The following OPCML variants were observed in gnomAD, a reference collection of about 807,000 sequenced individuals.
The protein encoded by OPCML is opioid-binding protein/cell adhesion molecule.
A neutral mutation model predicts 37.8 loss-of-function variants in OPCML; 13 were observed. The ratio of observed to expected loss-of-function variants is 0.34; its 90% CI spans 0.22 to 0.55. OPCML has a LOEUF of 0.55. OPCML is among the 20% of genes least tolerant of loss of function. The pLI, the probability that OPCML is intolerant of heterozygous loss-of-function variation, is 0.91. For synonymous variants in OPCML, 176 were observed against 168.8 expected (o/e 1.04, Z -0.33); for missense variants, 341 against 435.6 (o/e 0.78, Z 1.93).
intron 3 of OPCML, among the ~76,000 whole-genome samples, chr11:132,619,865 A>T (rs2137908446): frequency 6.6e-6 from 1 of 151,312 alleles, no homozygotes; most frequent in Non-Finnish European, 1.5e-5. Context: ...AAAAAAAAAA[A>T]AAAATTGGCC....
At chr11:133,135,607 C>A (rs552339601) in intron 1 of OPCML, among the ~76,000 whole-genome samples, 1 of 152,070 alleles carries the variant, frequency 6.6e-6, no homozygotes, top group Non-Finnish European at 1.5e-5. Context: ...TTTTAAAAGT[C>A]CTTTTCATTG....
chr11:133,299,654 A>G (rs551631741), intron 1 of OPCML: 2 of 152,322 alleles, frequency 1.3e-5, no homozygotes, highest in East Asian at 1.9e-4. Flanking sequence ...AATTTATACC[A>G]TCTCTGAATA....
At chr11:133,140,522 T>TAAGAAGAAGAAGAAGAAGAAGAAG (rs1296215663) in intron 1 of OPCML, among the ~76,000 whole-genome samples, 2 of 59,464 alleles carry the variant, frequency 3.4e-5, no homozygotes, top group East Asian at 6.2e-4. Context: ...AAAATAATAA[T>TAAGAAGAAGAAGAAGAAGAAGAAG]AATAATAATA....
chr11:133,285,631 G>A (rs146260161), intron 1 of OPCML, among the ~76,000 whole-genome samples: 5 of 152,304 alleles, frequency 3.3e-5, no homozygotes, highest in East Asian at 1.9e-4. Flanking sequence ...AATTAACTGT[G>A]ACCCATTTCT....
chr11:133,007,348 C>T (rs1199469374), intron 1 of OPCML: 2 of 985,336 alleles, frequency 2.0e-6, no homozygotes, highest in Non-Finnish European at 2.4e-6. Context: ...TTTAACCTCC[C>T]TTATCTGTGT....
chr11:132,678,623 T>C (rs1489264911), intron 2 of OPCML, among the ~76,000 whole-genome samples: 1 of 152,128 alleles, frequency 6.6e-6, no homozygotes, highest in Non-Finnish European at 1.5e-5. Flanking sequence ...AAGTAAAATA[T>C]GAATTTGAAA....
chr11:132,454,798 C>T (rs188052435), intron 4 of OPCML, among the ~76,000 whole-genome samples: 3 of 152,322 alleles, frequency 2.0e-5, no homozygotes, highest in African/African-American at 4.8e-5. Context: ...TTCATAACTG[C>T]AGGGACATAT....
chr11:132,989,187 T>A (rs1024636968), intron 1 of OPCML, among the ~76,000 whole-genome samples: 4 of 152,182 alleles, frequency 2.6e-5, no homozygotes, highest in Non-Finnish European at 5.9e-5. Flanking sequence ...CAGCAGATAT[T>A]TTCATAGCAA....
intron 1 of OPCML, among the ~76,000 whole-genome samples, chr11:133,013,867 A>G (rs1355988595): frequency 6.6e-6 from 1 of 152,166 alleles, no homozygotes; most frequent in Non-Finnish European, 1.5e-5. Context: ...AAAATTTGCC[A>G]CCTCAGAATA....
chr11:133,080,563 G>A (rs925217761), intron 1 of OPCML, among the ~76,000 whole-genome samples: 2 of 148,932 alleles, frequency 1.3e-5, no homozygotes, highest in East Asian at 4.0e-4. Context: ...AAGACGGTTA[G>A]TTGAGAGGAC....
intron 1 of OPCML, among the ~76,000 whole-genome samples, chr11:133,305,750 C>T (rs1013166573): frequency 1.1e-4 from 17 of 152,186 alleles, no homozygotes; most frequent in Admixed American, 3.3e-4. Context: ...CTTCCGCAGG[C>T]GTTCCCTCAG....
At chr11:133,488,850 G>T (rs537804395) in intron 1 of OPCML, among the ~76,000 whole-genome samples, 1 of 152,012 alleles carries the variant, frequency 6.6e-6, no homozygotes, top group Non-Finnish European at 1.5e-5. Context: ...AACCAAAGCT[G>T]CATTGTACTG....
chr11:132,488,087 C>G (rs144758515), intron 4 of OPCML, among the ~76,000 whole-genome samples: 2,828 of 152,310 alleles, frequency 0.019, 51 homozygotes, highest in Non-Finnish European at 0.025. Context: ...CTGGGCCTCC[C>G]CAACCGCATG....
At chr11:132,786,813 AC>A (rs1349395876) in intron 2 of OPCML, among the ~76,000 whole-genome samples, 4 of 152,076 alleles carry the variant, frequency 2.6e-5, no homozygotes, top group African/African-American at 9.7e-5. Flanking sequence ...TTCAAAAGTG[AC>A]TCCCCACCAC....
At chr11:133,429,608 T>C (rs1712574111) in intron 1 of OPCML, among the ~76,000 whole-genome samples, 1 of 152,084 alleles carries the variant, frequency 6.6e-6, no homozygotes, top group African/African-American at 2.4e-5. Flanking sequence ...GCAGTGCAGA[T>C]GGTATGGAAG....
intron 1 of OPCML, among the ~76,000 whole-genome samples, chr11:132,962,208 AGGGCCAAGG>A (rs894745564): frequency 4.6e-5 from 7 of 152,198 alleles, no homozygotes; most frequent in African/African-American, 1.7e-4. Flanking sequence ...TGTACAACAG[AGGGCCAAGG>A]AGGCTTCTTG....
intron 1 of OPCML, among the ~76,000 whole-genome samples, chr11:133,161,985 CTTTTTTTTT>C (rs553617547): frequency 3.0e-4 from 26 of 85,484 alleles, no homozygotes; most frequent in African/African-American, 7.4e-4. Context: ...CAGTCTCTGT[CTTTTTTTTT>C]TTTTTTTTTT....
chr11:133,521,717 C>T (rs1263733107), intron 1 of OPCML, among the ~76,000 whole-genome samples: 1 of 152,218 alleles, frequency 6.6e-6, no homozygotes, highest in African/African-American at 2.4e-5. Flanking sequence ...TCTCTTGGAG[C>T]CTGTAAGCTG....
At chr11:132,986,742 C>T (rs1946687873) in intron 1 of OPCML, among the ~76,000 whole-genome samples, 1 of 151,850 alleles carries the variant, frequency 6.6e-6, no homozygotes, top group South Asian at 2.1e-4. Context: ...ATTTAAAACA[C>T]TAAAATGAGA....
Sources: gnomAD v4.1 joint callset for allele counts (sites outside exome capture counted in the v4.1 genomes callset) on GRCh38, gnomAD v4.1.1 for gene constraint, MANE v1.5 for transcripts, NCBI Gene and HGNC (gene_info 2026-07-23, HGNC 2026-07-21) for gene names.